The following PHF14 variants were observed in gnomAD, a reference collection of about 807,000 sequenced individuals.
The protein encoded by PHF14 is PHD finger protein 14.
In PHF14, 55 loss-of-function variants were observed where a neutral mutation model predicts 117.9. That is an observed-to-expected ratio of 0.47 (90% CI 0.38 to 0.58). The LOEUF is 0.58. Ranked by LOEUF, PHF14 falls within the 20% of genes least tolerant of loss-of-function variation. The pLI is 0.00. For synonymous variants in PHF14, 409 were observed against 368.6 expected (o/e 1.11, Z -1.26); for missense variants, 978 against 1,122.2 (o/e 0.87, Z 1.84).
chr7:11,155,920 T>G (rs1320535273), intron 17 of PHF14, among the ~76,000 whole-genome samples: 3 of 152,198 alleles, frequency 2.0e-5, no homozygotes, highest in Non-Finnish European at 4.4e-5. Flanking sequence ...AAAATAATTT[T>G]GTCCTTATGT....
At chr7:11,118,545 A>T (rs879022064) in intron 17 of PHF14, among the ~76,000 whole-genome samples, 1 of 151,820 alleles carries the variant, frequency 6.6e-6, no homozygotes, top group Non-Finnish European at 1.5e-5. Flanking sequence ...AGAGTGTTTT[A>T]TTGTTCATAC....
Position 10,974,299 on chromosome 7 carries a change from C to T in PHF14, c.-25C>T, listed in dbSNP as rs148119167. On this transcript the variant is annotated 5_prime_UTR_variant, in exon 1 of 18. Transcript: ENST00000634607. Reference sequence around the variant, plus strand: ...CTGCAGCCTCTCCCTAAGTCTTCTCCAAACGACCACCTCACGGATTCCTTA... The same window carrying T: ...CTGCAGCCTCTCCCTAAGTCTTCTCTAAACGACCACCTCACGGATTCCTTA... 6.0e-4 allele frequency: 949 copies of T among 1,585,950 alleles called. 18 individuals carry two copies. In the East Asian group the frequency reaches 0.021, roughly 34 times the overall value.
intron 9 of PHF14, 38 bp from the exon 10 acceptor site, chr7:11,036,947 T>G (rs760103118): frequency 4.4e-6 from 6 of 1,363,716 alleles, no homozygotes; most frequent in Non-Finnish European, 6.0e-6. Context: ...CAGTTTTTAC[T>G]TCCTACTAAA....
intron 4 of PHF14, among the ~76,000 whole-genome samples, chr7:11,001,489 A>G (rs1640508369): frequency 6.6e-6 from 1 of 152,206 alleles, no homozygotes; most frequent in Non-Finnish European, 1.5e-5. Flanking sequence ...TTGGGAAGAA[A>G]TGACATCTTG....
intron 5 of PHF14, among the ~76,000 whole-genome samples, chr7:11,019,622 C>A (rs1783660010): frequency 6.6e-6 from 1 of 151,926 alleles, no homozygotes; most frequent in Non-Finnish European, 1.5e-5. Context: ...TTACTTGTAT[C>A]TTCTCTCTTT....
intron 16 of PHF14, chr7:11,105,093 A>G (rs1413530350): frequency 3.1e-6 from 3 of 954,408 alleles, no homozygotes; most frequent in Middle Eastern, 5.3e-4. Context: ...AAAGAAATCA[A>G]TAAACATAGC....
At chr7:11,060,628 A>G (rs981495634) in intron 14 of PHF14, among the ~76,000 whole-genome samples, 3 of 152,202 alleles carry the variant, frequency 2.0e-5, no homozygotes, top group African/African-American at 4.8e-5. Context: ...CTTATGGGTC[A>G]TGATTGACAC....
chr7:11,022,840 A>T, intron 5 of PHF14, 28 bp from the exon 6 acceptor site: 1 of 1,316,474 alleles, frequency 7.6e-7, no homozygotes, highest in Non-Finnish European at 1.1e-6. Context: ...AAAAGATTTG[A>T]TAGCAAAATC....
chr7:11,071,198 T>G, intron 16 of PHF14: 1 of 503,756 alleles, frequency 2.0e-6, no homozygotes, highest in Non-Finnish European at 3.9e-6. Flanking sequence ...GGAGAATACC[T>G]TAGGCTGTAA....
At chr7:10,986,817 A>G (rs773566575) in intron 3 of PHF14, among the ~76,000 whole-genome samples, 4 of 152,214 alleles carry the variant, frequency 2.6e-5, no homozygotes, top group African/African-American at 7.2e-5. Context: ...AAAGTTTTGC[A>G]TGAGAATTAA....
chr7:11,133,148 C>G (rs565517944), intron 17 of PHF14, among the ~76,000 whole-genome samples: 1 of 151,930 alleles, frequency 6.6e-6, no homozygotes, highest in East Asian at 1.9e-4. Flanking sequence ...ACTATAGATT[C>G]AGTGCAATCC....
intron 4 of PHF14, among the ~76,000 whole-genome samples, chr7:11,010,463 T>G (rs954276382): frequency 6.6e-6 from 1 of 151,992 alleles, no homozygotes; most frequent in Non-Finnish European, 1.5e-5. Flanking sequence ...CTTTGACATT[T>G]TATATGACTT....
intron 10 of PHF14, among the ~76,000 whole-genome samples, chr7:11,037,739 G>A (rs1479546165): frequency 6.6e-6 from 1 of 152,076 alleles, no homozygotes. Context: ...TTGACTTATT[G>A]TTAGAAAACA....
chr7:11,064,807 T>G (rs1785368993), intron 16 of PHF14, among the ~76,000 whole-genome samples: 1 of 152,048 alleles, frequency 6.6e-6, no homozygotes, highest in African/African-American at 2.4e-5. Context: ...GGCAAGTAAT[T>G]TAGCATTTCT....
intron 16 of PHF14, chr7:11,110,890 G>C (rs1471953302): frequency 6.5e-6 from 1 of 152,722 alleles, no homozygotes; most frequent in Non-Finnish European, 1.5e-5. Context: ...GTGTAGCCTA[G>C]TAGAATTTCT....
intron 16 of PHF14, among the ~76,000 whole-genome samples, chr7:11,080,298 C>T (rs564950975): frequency 6.6e-6 from 1 of 152,174 alleles, no homozygotes; most frequent in African/African-American, 2.4e-5. Context: ...ACTTATATTA[C>T]ACGTGCATAC....
At chr7:11,151,765 A>G (rs1426855981) in intron 17 of PHF14, among the ~76,000 whole-genome samples, 2 of 151,880 alleles carry the variant, frequency 1.3e-5, no homozygotes, top group East Asian at 3.9e-4. Flanking sequence ...AATAAAGGCC[A>G]TTTTTTTCTT....
chr7:11,046,561 A>AGT (rs1784670994), intron 13 of PHF14, among the ~76,000 whole-genome samples: 1 of 152,030 alleles, frequency 6.6e-6, no homozygotes, highest in African/African-American at 2.4e-5. Context: ...TCTTCTTCCC[A>AGT]TTAACCGCTA....
chr7:11,161,915 T>G (rs1789048011), intron 17 of PHF14, among the ~76,000 whole-genome samples: 1 of 150,752 alleles, frequency 6.6e-6, no homozygotes, highest in African/African-American at 2.4e-5. Context: ...TCCCAGATAT[T>G]AGTAGTTTAC....
Sources: gnomAD v4.1 joint callset for allele counts (sites outside exome capture counted in the v4.1 genomes callset) on GRCh38, gnomAD v4.1.1 for gene constraint, MANE v1.5 for transcripts, NCBI Gene and HGNC (gene_info 2026-07-23, HGNC 2026-07-21) for gene names.